GABRB1: variants seen among roughly 807,000 people sequenced by gnomAD.
The protein encoded by GABRB1 is gamma-aminobutyric acid receptor subunit beta-1.
GABRB1 carries 17 observed loss-of-function variants against 51.6 expected under a neutral mutation model. The ratio of observed to expected loss-of-function variants is 0.33; its 90% CI spans 0.23 to 0.49. The LOEUF is 0.49. Among genes scored for constraint, GABRB1 ranks in the 20% least tolerant of loss-of-function variants. The probability of loss-of-function intolerance (pLI) is 0.99; values close to 1 mark genes in which losing one functional copy is unlikely to be tolerated. For missense variants in GABRB1, 410 were observed against 600.6 expected (o/e 0.68, Z 3.32); for synonymous variants, 247 against 218.9 (o/e 1.13, Z -1.14).
intron 4 of GABRB1, among the ~76,000 whole-genome samples, chr4:47,319,476 T>G (rs1724998348): frequency 6.6e-6 from 1 of 152,156 alleles, no homozygotes; most frequent in Non-Finnish European, 1.5e-5. Flanking sequence ...TTGTATCACA[T>G]TGATTGATTT....
At chr4:46,998,117 T>C (rs1724060763) in intron 1 of GABRB1, among the ~76,000 whole-genome samples, 1 of 152,186 alleles carries the variant, frequency 6.6e-6, no homozygotes, top group Non-Finnish European at 1.5e-5. Flanking sequence ...TACCAGTTAA[T>C]ACTGCTGTCA....
intron 4 of GABRB1, among the ~76,000 whole-genome samples, chr4:47,210,319 C>T (rs1467095930): frequency 1.3e-5 from 2 of 152,096 alleles, no homozygotes; most frequent in African/African-American, 4.8e-5. Context: ...AGCTGAAATG[C>T]ACACAGAGAC....
rs1487184083 is a variant in GABRB1, at chr4:47,320,832, C to T, written c.544+623C>T. Among the ~76,000 whole-genome samples, 10 of 150,152 alleles carry T rather than the reference C, an allele frequency of 6.7e-5. 1 individual carries two copies. In the South Asian group the frequency reaches 1.3e-3, roughly 19 times the overall value. On this transcript the variant is annotated intron_variant, in intron 5 of 8. Coordinates refer to ENST00000295454, the MANE Select transcript of GABRB1 (RefSeq NM_000812.4). ...TCGCCCAGGCTGGAGTGTAGTGGCG[C>T]CATCTCCGCTCACCGCAATCTCCGC... is the stretch of plus-strand genomic sequence containing the variant.
At chr4:47,028,079 C>T (rs754493538), upstream of GABRB1, among the ~76,000 whole-genome samples, 1 of 151,748 alleles carries the variant, frequency 6.6e-6, no homozygotes, top group African/African-American at 2.4e-5. Flanking sequence ...AATGGTACTT[C>T]ATATCTATTT....
chr4:47,218,984 A>G (rs1381871891), intron 4 of GABRB1, among the ~76,000 whole-genome samples: 1 of 151,772 alleles, frequency 6.6e-6, no homozygotes, highest in Non-Finnish European at 1.5e-5. Flanking sequence ...TTAATGTAGA[A>G]AGTGTGGTCT....
At chr4:47,301,901 A>T (rs1033070246) in intron 4 of GABRB1, among the ~76,000 whole-genome samples, 1 of 152,166 alleles carries the variant, frequency 6.6e-6, no homozygotes, top group African/African-American at 2.4e-5. Flanking sequence ...GAGAGTTCCA[A>T]AATAATTCAT....
At chr4:47,401,624 C>T (rs759678063) in intron 5 of GABRB1, among the ~76,000 whole-genome samples, 3 of 152,320 alleles carry the variant, frequency 2.0e-5, no homozygotes, top group Non-Finnish European at 4.4e-5. Context: ...TCCCCAGATA[C>T]TACTTCCTGC....
chr4:47,140,767 T>TTG (rs1716902135), intron 3 of GABRB1, among the ~76,000 whole-genome samples: 1 of 151,440 alleles, frequency 6.6e-6, no homozygotes, highest in African/African-American at 2.4e-5. Flanking sequence ...TTTTTTGTTT[T>TTG]TTTTTTTTCC....
Position 47,124,613 on chromosome 4 carries a change from G to A in GABRB1, c.241-36636G>A, listed in dbSNP as rs961159986. ...CACGAAAACAGACAGAAAACTCAGT[G>A]AAATCAGGAAAATAATACATGACAA... On this transcript the variant is annotated intron_variant, in intron 3 of 8. Coordinates refer to ENST00000295454, the MANE Select transcript of GABRB1 (RefSeq NM_000812.4). Among the ~76,000 whole-genome samples the A allele has an allele frequency of 1.3e-5, 2 of 152,274 alleles. 1 individual carries two copies. The highest frequency in any genetic ancestry group is 4.1e-4 in the South Asian group (2 of 4,828).
intron 3 of GABRB1, among the ~76,000 whole-genome samples, chr4:47,107,601 G>A (rs1397037821): frequency 6.6e-6 from 1 of 152,002 alleles, no homozygotes; most frequent in Non-Finnish European, 1.5e-5. Context: ...CTGTAAAATG[G>A]AGCCAATAAT....
chr4:47,154,093 C>T (rs977133281), intron 3 of GABRB1, among the ~76,000 whole-genome samples: 2 of 151,936 alleles, frequency 1.3e-5, no homozygotes, highest in Non-Finnish European at 2.9e-5. Flanking sequence ...TGAATTTCTG[C>T]TTTAGAATGT....
At chr4:47,023,781 G>A (rs1262403057) in intron 1 of GABRB1, among the ~76,000 whole-genome samples, 1 of 151,848 alleles carries the variant, frequency 6.6e-6, no homozygotes, top group African/African-American at 2.4e-5. Flanking sequence ...TACCCCGCAG[G>A]TATATACACT....
intron 1 of GABRB1, among the ~76,000 whole-genome samples, chr4:47,000,788 G>A (rs979071380): frequency 2.6e-5 from 4 of 152,090 alleles, no homozygotes; most frequent in East Asian, 1.9e-4. Context: ...TTTATATGCC[G>A]GCTGGTTTTC....
At chr4:47,156,158 G>C (rs1717689356) in intron 3 of GABRB1, among the ~76,000 whole-genome samples, 1 of 151,578 alleles carries the variant, frequency 6.6e-6, no homozygotes. Context: ...ACTGTTTTCT[G>C]TAGTCGCTGT....
intron 3 of GABRB1, among the ~76,000 whole-genome samples, chr4:47,151,647 C>T (rs1253974920): frequency 6.6e-6 from 1 of 151,976 alleles, no homozygotes; most frequent in Non-Finnish European, 1.5e-5. Flanking sequence ...TTTATTTCTG[C>T]TCTTATTTAG....
intron 4 of GABRB1, among the ~76,000 whole-genome samples, chr4:47,235,546 T>TAA (rs550424374): frequency 1.5e-5 from 2 of 130,678 alleles, no homozygotes; most frequent in Non-Finnish European, 3.3e-5. Flanking sequence ...AGACTGCATC[T>TAA]AAAAAAAAAA....
intron 3 of GABRB1, among the ~76,000 whole-genome samples, chr4:47,078,286 A>G (rs1184006485): frequency 6.6e-6 from 1 of 151,956 alleles, no homozygotes; most frequent in Non-Finnish European, 1.5e-5. Flanking sequence ...CGCCCGGCCT[A>G]TAATTAGAAA....
intron 4 of GABRB1, among the ~76,000 whole-genome samples, chr4:47,175,686 A>G (rs1000363181): frequency 1.3e-5 from 2 of 152,196 alleles, no homozygotes; most frequent in Non-Finnish European, 2.9e-5. Context: ...TATAAAGTGC[A>G]TTGAGATATG....
chr4:47,056,978 C>T (rs564980707), intron 3 of GABRB1, among the ~76,000 whole-genome samples: 2 of 152,172 alleles, frequency 1.3e-5, no homozygotes, highest in East Asian at 1.9e-4. Flanking sequence ...TGGTGGCATG[C>T]CCCTGTAATC....
Sources: gnomAD v4.1 joint callset for allele counts (sites outside exome capture counted in the v4.1 genomes callset) on GRCh38, gnomAD v4.1.1 for gene constraint, MANE v1.5 for transcripts, NCBI Gene and HGNC (gene_info 2026-07-23, HGNC 2026-07-21) for gene names.